ODR4: variants seen among roughly 807,000 people sequenced by gnomAD.
ODR4 encodes protein odr-4 homolog.
ODR4 carries 47 observed loss-of-function variants against 60.2 expected under a neutral mutation model. That is an observed-to-expected ratio of 0.78 (90% CI 0.62 to 1.00). ODR4 has a LOEUF of 1.00. Ranked by LOEUF, ODR4 falls within the 50% of genes least tolerant of loss-of-function variation. The probability of loss-of-function intolerance (pLI) is 0.00; values close to 1 mark genes in which losing one functional copy is unlikely to be tolerated. For missense variants in ODR4, 488 were observed against 530.8 expected (o/e 0.92, Z 0.79); for synonymous variants, 178 against 175.5 (o/e 1.01, Z -0.11).
At chr1:186,379,989 TC>T in intron 2 of ODR4, 105 bp downstream of exon 2, 1 of 628,418 alleles carries the variant, frequency 1.6e-6, no homozygotes. Context: ...AATAATAAAC[TC>T]AAGATTGGGG....
In ODR4 at chr1:186,398,971, A is replaced by G. The variant is rs1378082038; in HGVS notation, c.927A>G (p.Ile309Met). The G allele has an allele frequency of 6.2e-7, 1 of 1,612,556 alleles. No individual in the cohort carries two copies. Among genetic ancestry groups the G allele is most frequent in the Non-Finnish European group, 8.5e-7 (1 of 1,179,192 alleles). ...CCCTGTAGGCAGTAAAGAGGGATAT[A>G]TTGAACACAGTTGCTGATCGTTGTG... The part of the protein sequence containing the change: ...KDAVQAVKRD[I>M]LNTVADRCEM... The change falls in exon 11 of 14, where the codon ATA (isoleucine) becomes ATG (methionine). Residue 309 changes from isoleucine to methionine, a missense_variant. Coordinates refer to ENST00000287859, the MANE Select transcript of ODR4 (RefSeq NM_017847.6).
intron 12 of ODR4, among the ~76,000 whole-genome samples, chr1:186,408,763 AAAC>A (rs1162781789): frequency 1.3e-5 from 2 of 151,564 alleles, no homozygotes; most frequent in Non-Finnish European, 2.9e-5. Context: ...TCACATTCTT[AAAC>A]TAAGAATGAC....
the ODR4 span, among the ~76,000 whole-genome samples, chr1:186,429,802 T>C: frequency 1.3e-5 from 2 of 152,194 alleles, no homozygotes; most frequent in Non-Finnish European, 2.9e-5. Flanking sequence ...AAATACCTGG[T>C]AAGTTGTTCT....
At chr1:186,380,561 C>T (rs1194779652) in intron 2 of ODR4, among the ~76,000 whole-genome samples, 2 of 137,956 alleles carry the variant, frequency 1.4e-5, no homozygotes, top group Non-Finnish European at 3.1e-5. Flanking sequence ...AGGGACCGGT[C>T]AGCAGTACAA....
intron 11 of ODR4, among the ~76,000 whole-genome samples, chr1:186,403,442 C>G (rs1165744329): frequency 2.6e-5 from 4 of 151,952 alleles, no homozygotes; most frequent in African/African-American, 9.7e-5. Context: ...ATTTTATCCT[C>G]ATTTTACTTT....
chr1:186,416,392 C>T (rs536752702), intron 12 of ODR4, among the ~76,000 whole-genome samples: 1 of 152,114 alleles, frequency 6.6e-6, no homozygotes, highest in African/African-American at 2.4e-5. Flanking sequence ...AAAAATTAGG[C>T]CAGGTGTGAT....
At position 186,388,536 on chromosome 1, in the gene ODR4, C is replaced by T; in HGVS notation, c.425C>T (p.Ala142Val). The change falls in exon 5 of 14, where the codon GCT becomes GTT. Residue 142 changes from alanine (A) to valine (V), a missense_variant. Physicochemically the swap from Ala to Val is moderately conservative, Grantham distance 64. Coordinates refer to ENST00000287859, the MANE Select transcript of ODR4 (RefSeq NM_017847.6). Reference sequence around the variant, plus strand: ...GAACGAGTGACACTTCACATTTGTGCTTCTACAAAAAAGTATCTTTTGTTC... The same window carrying T: ...GAACGAGTGACACTTCACATTTGTGTTTCTACAAAAAAGTATCTTTTGTTC... ...VSERVTLHICASTKKIFCRTY... is the reference protein window; with the variant it reads ...VSERVTLHICVSTKKIFCRTY... The T allele has an allele frequency of 2.0e-6, 3 of 1,532,958 alleles. No individual in the cohort carries two copies. Among genetic ancestry groups the T allele is most frequent in the Non-Finnish European group, 2.6e-6 (3 of 1,137,332 alleles). The allele number at this position is 1,532,958 out of a possible 1,614,324, so 95.0% of individuals were successfully genotyped here.
chr1:186,407,863 C>G (rs574693369), intron 12 of ODR4, among the ~76,000 whole-genome samples: 2 of 152,166 alleles, frequency 1.3e-5, no homozygotes, highest in East Asian at 3.9e-4. Flanking sequence ...CCTCTGGTGT[C>G]AGAGCTGAAC....
At chr1:186,408,657 A>G (rs1661260671) in intron 12 of ODR4, among the ~76,000 whole-genome samples, 1 of 149,520 alleles carries the variant, frequency 6.7e-6, no homozygotes, top group African/African-American at 2.4e-5. Context: ...ATATAATATA[A>G]ACAATATACA....
chr1:186,383,678 GATAT>G (rs60229243), intron 3 of ODR4, among the ~76,000 whole-genome samples: 4 of 140,702 alleles, frequency 2.8e-5, no homozygotes, highest in African/African-American at 2.6e-5. Flanking sequence ...TGTGTATGTA[GATAT>G]ATATATATAT....
chr1:186,421,878 A>AG (rs1661792758), downstream of ODR4, among the ~76,000 whole-genome samples: 2 of 145,772 alleles, frequency 1.4e-5, no homozygotes, highest in East Asian at 2.0e-4. Flanking sequence ...AAAAAAAAAA[A>AG]AATGATGAAT....
chr1:186,402,597 CAA>C (rs1661027071), intron 11 of ODR4, among the ~76,000 whole-genome samples: 1 of 149,294 alleles, frequency 6.7e-6, no homozygotes, highest in African/African-American at 2.5e-5. Flanking sequence ...TTTGTAGAGA[CAA>C]GAGTCTTTGC....
At chr1:186,427,348 G>A in the ODR4 span, among the ~76,000 whole-genome samples, 1 of 152,190 alleles carries the variant, frequency 6.6e-6, no homozygotes, top group Non-Finnish European at 1.5e-5. Context: ...CATTTCAACA[G>A]TGTTCACAGC....
chr1:186,414,454 T>G (rs1040338707), intron 12 of ODR4, among the ~76,000 whole-genome samples: 2 of 152,064 alleles, frequency 1.3e-5, no homozygotes, highest in African/African-American at 4.8e-5. Flanking sequence ...ATTCATACCA[T>G]CCATTATTTT....
At chr1:186,401,301 G>T in intron 11 of ODR4, 1 of 988,770 alleles carries the variant, frequency 1.0e-6, no homozygotes, top group Non-Finnish European at 1.4e-6. Flanking sequence ...TTTTTAAAAG[G>T]TGAAAAAGTT....
At chr1:186,382,084 A>G (rs1466247554) in intron 2 of ODR4, among the ~76,000 whole-genome samples, 1 of 151,894 alleles carries the variant, frequency 6.6e-6, no homozygotes, top group East Asian at 1.9e-4. Context: ...AGATCTCCCA[A>G]CTTTGGTTAC....
At chr1:186,429,634 T>C in the ODR4 span, among the ~76,000 whole-genome samples, 1 of 151,742 alleles carries the variant, frequency 6.6e-6, no homozygotes, top group South Asian at 2.1e-4. Context: ...AAATGTCTTT[T>C]CTTTTACCTA....
At chr1:186,387,256 C>T (rs181981031) in intron 4 of ODR4, among the ~76,000 whole-genome samples, 202 of 152,238 alleles carry the variant, frequency 1.3e-3, no homozygotes, top group Middle Eastern at 6.8e-3. Context: ...CTCCTCCCTG[C>T]TAAATTGTTT....
At chr1:186,431,717 A>G in the ODR4 span, among the ~76,000 whole-genome samples, 1 of 152,222 alleles carries the variant, frequency 6.6e-6, no homozygotes, top group Non-Finnish European at 1.5e-5. Context: ...ACCATTTGCA[A>G]GCTTAAAGAG....
Sources: gnomAD v4.1 joint callset for allele counts (sites outside exome capture counted in the v4.1 genomes callset) on GRCh38, gnomAD v4.1.1 for gene constraint, MANE v1.5 for transcripts, NCBI Gene and HGNC (gene_info 2026-07-23, HGNC 2026-07-21) for gene names.